The following ARSB variants were observed in gnomAD, a reference collection of about 807,000 sequenced individuals.
ARSB encodes arylsulfatase B.
In ARSB, 41 loss-of-function variants were observed where a neutral mutation model predicts 50.9. That is an observed-to-expected ratio of 0.81 (90% confidence interval 0.63 to 1.04). The LOEUF (loss-of-function observed/expected upper bound fraction) is 1.04, where lower values mean the gene tolerates loss of function less well. ARSB is among the 50% of genes least tolerant of loss of function. ARSB has a pLI of 0.00. For synonymous variants in ARSB, 269 were observed against 284.8 expected, an observed-to-expected ratio of 0.94 and a Z score of 0.56; for missense variants, 672 against 693.3, an observed-to-expected ratio of 0.97 and a Z score of 0.35.
chr5:78,792,901 T>C (rs534915674), intron 6 of ARSB, among the ~76,000 whole-genome samples: 11 of 152,296 alleles, frequency 7.2e-5, no homozygotes, highest in African/African-American at 2.6e-4. Flanking sequence ...CGAGGTATTG[T>C]TAGAAAATTA....
chr5:78,968,565 G>A (rs1752310595), intron 2 of ARSB, among the ~76,000 whole-genome samples: 1 of 151,946 alleles, frequency 6.6e-6, no homozygotes, highest in Admixed American at 6.6e-5. Context: ...TAGTCAGGAT[G>A]GTCTCCATCT....
At chr5:78,915,898 C>A (rs571240379) in intron 4 of ARSB, among the ~76,000 whole-genome samples, 1 of 152,124 alleles carries the variant, frequency 6.6e-6, no homozygotes, top group Non-Finnish European at 1.5e-5. Context: ...GGCATCATAT[C>A]GGCTCAAGAA....
At chr5:78,920,493 G>A (rs1274879613) in intron 4 of ARSB, among the ~76,000 whole-genome samples, 1 of 152,184 alleles carries the variant, frequency 6.6e-6, no homozygotes, top group African/African-American at 2.4e-5. Flanking sequence ...CAGGATGGAA[G>A]TCAGGGGTAG....
At chr5:78,874,512 G>T (rs1747396753) in intron 5 of ARSB, among the ~76,000 whole-genome samples, 2 of 151,340 alleles carry the variant, frequency 1.3e-5, no homozygotes, top group Admixed American at 6.6e-5. Context: ...AAGGGACTAA[G>T]GAATTATATA....
chr5:78,964,516 C>T lies in ARSB; in HGVS notation c.590G>A (p.Arg197Gln), dbSNP rs767794291. Reference sequence around the variant, plus strand: ...TCCTGTTGCAACTTCTTCGCCATCTCGAAAATCAAGAGCACATCGTGTGAC... The same window carrying T: ...TCCTGTTGCAACTTCTTCGCCATCTTGAAAATCAAGAGCACATCGTGTGAC... ...LNVTRCALDFRDGEEVATGYK... is the reference protein window; with the variant it reads ...LNVTRCALDFQDGEEVATGYK... Residue 197 changes from arginine (R) to glutamine (Q), a missense_variant, in exon 3 of 8, where the codon CGA (arginine) becomes CAA (glutamine). Transcript: ENST00000264914. 3.1e-6 allele frequency: 5 copies of T among 1,613,980 alleles called. No homozygotes were observed. Among genetic ancestry groups the T allele is most frequent in the Middle Eastern group, 1.6e-4 (1 of 6,062 alleles).
intron 4 of ARSB, among the ~76,000 whole-genome samples, chr5:78,941,606 C>T (rs550551900): frequency 6.6e-6 from 1 of 152,186 alleles, no homozygotes; most frequent in Non-Finnish European, 1.5e-5. Flanking sequence ...ATATATTGAA[C>T]CAGCCTTGCA....
At chr5:78,970,457 G>A (rs1220812231) in intron 1 of ARSB, among the ~76,000 whole-genome samples, 1 of 151,950 alleles carries the variant, frequency 6.6e-6, no homozygotes, top group African/African-American at 2.4e-5. Context: ...TTTAACTTAT[G>A]GGGCAAATTT....
chr5:78,965,959 T>C lies in ARSB; in HGVS notation c.500-1353A>G, dbSNP rs371048162. On this transcript the variant is annotated intron_variant, in intron 2 of 7. Transcript: ENST00000264914. ...GAAATACAAAGTACTTGTTAATTAA[T>C]GTGTAACAGAGAAAGAAATGTATCC... 1.1e-3 allele frequency among the ~76,000 whole-genome samples: 175 copies of C among 152,346 alleles called. 1 individual carries two copies. The highest frequency in any genetic ancestry group is 4.0e-3 in the African/African-American group (168 of 41,586).
chr5:78,943,231 T>C (rs1406244512), intron 4 of ARSB, among the ~76,000 whole-genome samples: 2 of 152,240 alleles, frequency 1.3e-5, no homozygotes, highest in Non-Finnish European at 2.9e-5. Context: ...TGACTCTTTA[T>C]CCAATTTGCC....
chr5:78,977,298 T>A (rs761686255), intron 1 of ARSB, among the ~76,000 whole-genome samples: 10 of 151,978 alleles, frequency 6.6e-5, no homozygotes, highest in Non-Finnish European at 1.5e-5. Flanking sequence ...GGATTACAGG[T>A]GCGCACCATC....
upstream of ARSB, chr5:78,985,553 G>A (rs1753151421): frequency 4.7e-6 from 1 of 214,104 alleles, no homozygotes; most frequent in African/African-American, 2.4e-5. Context: ...TTTGCACTGT[G>A]GTTTCCTAAA....
At chr5:78,843,700 A>G (rs1293200205) in intron 5 of ARSB, among the ~76,000 whole-genome samples, 1 of 152,188 alleles carries the variant, frequency 6.6e-6, no homozygotes. Context: ...ATTAGCAGTC[A>G]TTCTTCATTT....
At chr5:78,789,632 A>C (rs1001824859) in intron 6 of ARSB, among the ~76,000 whole-genome samples, 2 of 152,214 alleles carry the variant, frequency 1.3e-5, no homozygotes, top group African/African-American at 2.4e-5. Context: ...CAGCTGACAA[A>C]AGGGTGAAAA....
chr5:78,808,042 G>T lies in ARSB; in HGVS notation c.1214-26068C>A, dbSNP rs1319511960. 1.9e-3 allele frequency among the ~76,000 whole-genome samples: 249 copies of T among 128,406 alleles called. 3 individuals are homozygous for T. The highest frequency in any genetic ancestry group is 7.0e-3 in the African/African-American group (232 of 33,344). 84.2% of individuals were successfully genotyped at this position (128,406 alleles called of 152,430 possible). A position where few individuals can be genotyped will look rare whatever the true frequency, so the allele number is the denominator to read the frequency against. ...CGGGAGGCGGAGCTTGCAGTGAGCC[G>T]AGATCCCGCCACTGCACTCCAGCCT... On this transcript the variant is annotated intron_variant, in intron 6 of 7. Coordinates refer to ENST00000264914, the MANE Select transcript of ARSB (RefSeq NM_000046.5).
At chr5:78,801,642 C>T (rs1345077368) in intron 6 of ARSB, among the ~76,000 whole-genome samples, 1 of 152,168 alleles carries the variant, frequency 6.6e-6, no homozygotes, top group South Asian at 2.1e-4. Flanking sequence ...TTCTTGGGAT[C>T]ACACTCTGAC....
intron 4 of ARSB, among the ~76,000 whole-genome samples, chr5:78,949,920 A>T (rs921481508): frequency 1.3e-5 from 2 of 152,176 alleles, no homozygotes; most frequent in African/African-American, 4.8e-5. Flanking sequence ...AAAAAAAACA[A>T]AACAAACAAA....
At chr5:78,914,577 C>T (rs1275276290) in intron 4 of ARSB, among the ~76,000 whole-genome samples, 3 of 152,190 alleles carry the variant, frequency 2.0e-5, no homozygotes, top group Non-Finnish European at 2.9e-5. Flanking sequence ...AATGCCACAC[C>T]TTGTTGGACA....
rs1752345291 is a variant in ARSB, at chr5:78,969,263, T to C, written c.313-71A>G. The C allele has an allele frequency of 2.0e-6, 3 of 1,518,796 alleles. No individual in the cohort carries two copies. In the African/African-American group the frequency reaches 4.1e-5, roughly 21 times the overall value. 94.1% of individuals were successfully genotyped at this position (1,518,796 alleles called of 1,614,324 possible). A position where few individuals can be genotyped will look rare whatever the true frequency, so the allele number is the denominator to read the frequency against. On this transcript the variant is annotated intron_variant, in intron 1 of 7. Transcript: ENST00000264914. ...TTGTGAACAAGCAGATAAAATGGCC[T>C]TCTACCTTACTGATCATATCTGTTG...
chr5:78,792,347 C>A (rs1389539323), intron 6 of ARSB, among the ~76,000 whole-genome samples: 1 of 151,356 alleles, frequency 6.6e-6, no homozygotes, highest in Non-Finnish European at 1.5e-5. Context: ...TCACTGTACT[C>A]CAGCCTGGAC....
Sources: allele counts gnomAD v4.1 joint callset (sites outside exome capture counted in the v4.1 genomes callset), GRCh38; gene constraint gnomAD v4.1.1; transcripts MANE v1.5; gene names NCBI Gene and HGNC (gene_info 2026-07-23, HGNC 2026-07-21).